Variants in SPTBN5 observed in about 807,000 individuals in gnomAD.
SPTBN5 encodes spectrin beta, non-erythrocytic 5.
Under a neutral mutation model 477.6 loss-of-function variants are expected in SPTBN5, and 513 were observed. That is an observed-to-expected ratio of 1.07 (90% CI 1.00 to 1.16). The LOEUF (loss-of-function observed/expected upper bound fraction) is 1.16. SPTBN5 is among the 50% of genes most tolerant of loss of function. SPTBN5 has a pLI of 0.00. For synonymous variants in SPTBN5, 2,169 were observed against 2,011.7 expected, an observed-to-expected ratio of 1.08 and a Z score of -2.09; for missense variants, 5,062 against 4,731.8, an observed-to-expected ratio of 1.07 and a Z score of -2.05.
Position 41,878,455 on chromosome 15 carries a change from C to T in SPTBN5, c.3357G>A (p.Glu1119=), listed in dbSNP as rs1447163149. 1.2e-6 allele frequency: 2 copies of T among 1,613,696 alleles called. No homozygotes were observed. The highest frequency in any genetic ancestry group is 1.7e-6 in the Non-Finnish European group (2 of 1,179,882). ...TGCTGCGCAGCTGAGCCTGGACACT[C>T]TCTGCCCACAGTAGCAGTTGCTGGC... ...QESQQLLLWA[E]SVQAQLRSKE... is the part of the protein sequence containing the mutation. The change falls in exon 17 of 68, where the codon GAG becomes GAA. Residue 1119 remains glutamate (E), a synonymous_variant. Coordinates refer to ENST00000320955, the MANE Select transcript of SPTBN5 (RefSeq NM_016642.4).
intron 32 of SPTBN5, among the ~76,000 whole-genome samples, chr15:41,868,835 A>C (rs1470987628): frequency 6.6e-6 from 1 of 152,120 alleles, no homozygotes; most frequent in Non-Finnish European, 1.5e-5. Flanking sequence ...TTACCACGAC[A>C]CATCTCTGCC....
At chr15:41,850,568 C>CT (rs2140907463) in intron 66 of SPTBN5, 1 of 456,484 alleles carries the variant, frequency 2.2e-6, no homozygotes, top group East Asian at 3.7e-5. Context: ...GCAGGAAGGG[C>CT]TTGGGGCAGT....
chr15:41,861,859 G>A lies in SPTBN5; in HGVS notation c.7613C>T (p.Thr2538Ile), dbSNP rs1353918360. ...GTCGGAGCTGAAGGGGTGCCCCGCTGTGAGCAGTTGCTGCCCAGTGCTTCG... is the reference window on the plus strand; with the variant it reads ...GTCGGAGCTGAAGGGGTGCCCCGCTATGAGCAGTTGCTGCCCAGTGCTTCG... ...LARSTGQQLL[T>I]AGHPFSSDIR... Residue 2538 changes from threonine (T) to isoleucine (I), a missense_variant, in exon 45 of 68, where the codon ACA becomes ATA. By Grantham distance (89) the Thr-to-Ile change is moderately conservative. Coordinates refer to ENST00000320955, the MANE Select transcript of SPTBN5 (RefSeq NM_016642.4). The A allele has an allele frequency of 2.5e-6, 4 of 1,608,302 alleles. No homozygotes were observed. Among genetic ancestry groups the A allele is most frequent in the Non-Finnish European group, 3.4e-6 (4 of 1,179,498 alleles).
chr15:41,887,434 G>A lies in SPTBN5; in HGVS notation c.667C>T (p.Leu223=). The change falls in exon 6 of 68, where the codon CTG becomes TTG. Residue 223 remains leucine, a synonymous_variant. Coordinates refer to ENST00000320955, the MANE Select transcript of SPTBN5 (RefSeq NM_016642.4). ...GGACGCAGGGAGCCGTAGTCCAACA[G>A]GTCTGGCCTGGACAGACAGTGAGAA... The part of the protein sequence containing the change: ...NALIHAHRPD[L]LDYGSLRPDR... The A allele has an allele frequency of 6.4e-7, 1 of 1,552,086 alleles. No individual in the cohort carries two copies. The highest frequency in any genetic ancestry group is 2.4e-5 in the East Asian group (1 of 41,084).
chr15:41,871,904 C>A lies in SPTBN5; in HGVS notation c.5179G>T (p.Glu1727Ter). 1.3e-6 allele frequency: 2 copies of A among 1,581,016 alleles called. No individual in the cohort carries two copies. The highest frequency in any genetic ancestry group is 8.6e-7 in the Non-Finnish European group (1 of 1,162,446). ...ELAATRDREL[E>*]GTLRLHEFLR... ...AACTCATGCAGCCTCAGGGTCCCCT[C>A]CAGTTCCCGGTCCCTGTGGTAACAG... Residue 1727 changes from glutamate to a stop codon, truncating the protein, a stop_gained, in exon 28 of 68, where the codon GAG becomes TAG. Coordinates refer to ENST00000320955, the MANE Select transcript of SPTBN5 (RefSeq NM_016642.4). LOFTEE classifies it high-confidence loss of function.
Position 41,888,050 on chromosome 15 carries a change from G to T in SPTBN5, c.537C>A (p.Thr179=). 6.3e-7 allele frequency: 1 copy of T among 1,581,830 alleles called. No homozygotes were observed. Residue 179 remains threonine, a synonymous_variant, in exon 5 of 68, where the codon ACC becomes ACA. Coordinates refer to ENST00000320955, the MANE Select transcript of SPTBN5 (RefSeq NM_016642.4). ...GGCACCAGACCAGCAGGGCTTCCTT[G>T]GTGGACAGCAGGGCTGCGCTGGCCC... ...EFGASAALLS[T]KEALLVWCQR...
chr15:41,862,318 C>A, intron 43 of SPTBN5, 26 bp from the exon 44 acceptor site: 1 of 1,568,596 alleles, frequency 6.4e-7, no homozygotes, highest in South Asian at 1.2e-5. Context: ...ATCAGCTAGT[C>A]GTCAGGCCTT....
intron 6 of SPTBN5, 106 bp from the exon 7 acceptor site, chr15:41,886,472 G>C: frequency 7.7e-7 from 1 of 1,295,622 alleles, no homozygotes; most frequent in East Asian, 2.4e-5. Flanking sequence ...CTACTTCTCT[G>C]AGCCAAAGAT....
intron 41 of SPTBN5, 66 bp downstream of exon 41, chr15:41,863,638 G>T: frequency 7.7e-7 from 1 of 1,299,024 alleles, no homozygotes; most frequent in Non-Finnish European, 1.1e-6. Flanking sequence ...GGAGACTCTA[G>T]GCAGTGCCCC....
rs764439007 is a variant in SPTBN5, at chr15:41,855,683, G to A, written c.9084C>T (p.Gly3028=). Residue 3028 remains glycine, a synonymous_variant, in exon 54 of 68, where the codon GGC becomes GGT. Coordinates refer to ENST00000320955, the MANE Select transcript of SPTBN5 (RefSeq NM_016642.4). ...GGGCCTGTGTGGCTTCAGCACTGTG[G>A]CCCATGTCCTCGCTGTCCAGGACAT... ...RGHVLDSEDM[G]HSAEATQALL... 20 of 1,603,952 alleles carry A rather than the reference G, an allele frequency of 1.2e-5. No individual in the cohort carries two copies. In the South Asian group the frequency reaches 2.2e-4, roughly 18 times the overall value.
chr15:41,871,805 C>T lies in SPTBN5; in HGVS notation c.5278G>A (p.Gly1760Arg), dbSNP rs753941738. Residue 1760 changes from glycine to arginine, a missense_variant, in exon 28 of 68, where the codon GGA becomes AGA. Physicochemically the swap from Gly to Arg is moderately radical, Grantham distance 125. Coordinates refer to ENST00000320955, the MANE Select transcript of SPTBN5 (RefSeq NM_016642.4). ...ACCAGGGCGTGCTCGGGGTCCTCTC[C>T]CAGGCTCTCCCCTCCTTTGGCTGCC... ...KQAAKGGESL[G>R]EDPEHALHLC... The T allele has an allele frequency of 2.5e-6, 4 of 1,591,534 alleles. No homozygotes were observed. The highest frequency in any genetic ancestry group is 3.4e-6 in the Non-Finnish European group (4 of 1,169,288).
chr15:41,852,658 C>A lies in SPTBN5; in HGVS notation c.10425G>T (p.Lys3475Asn). 6.2e-7 allele frequency: 1 copy of A among 1,613,626 alleles called. No homozygotes were observed. Among genetic ancestry groups the A allele is most frequent in the Non-Finnish European group, 8.5e-7 (1 of 1,179,890 alleles). ...CCTCTGTCTTTTGCATTTGGGCAAA[C>A]TTCTCTTCCTGGGCTGCCAGCAGCT... ...LEKLLAAQEE[K>N]FAQMQKTEME... Residue 3475 changes from lysine to asparagine, a missense_variant, in exon 61 of 68, where the codon AAG becomes AAT. Transcript: ENST00000320955.
rs373179842 is a variant in SPTBN5 at position 41,873,882 on chromosome 15, C to T, written c.4853G>A (p.Arg1618Gln). 1.1e-5 allele frequency: 18 copies of T among 1,611,244 alleles called. No homozygotes were observed. The highest frequency in any genetic ancestry group is 3.3e-5 in the South Asian group (3 of 91,090). Reference sequence around the variant, plus strand: ...GACAGCCTGCTGCAGACACTGGGCCCGCGCTTCACATGCCCTCTCCAGCTC... The same window carrying T: ...GACAGCCTGCTGCAGACACTGGGCCTGCGCTTCACATGCCCTCTCCAGCTC... ...WAELERACEA[R>Q]AQCLQQAVTF... The change falls in exon 25 of 68, where the codon CGG (arginine) becomes CAG (glutamine). Residue 1618 changes from arginine to glutamine, a missense_variant. Coordinates refer to ENST00000320955, the MANE Select transcript of SPTBN5 (RefSeq NM_016642.4).
At chr15:41,874,563 C>T (rs1238386264) in intron 23 of SPTBN5, 85 bp from the exon 24 acceptor site, 27 of 1,193,664 alleles carry the variant, frequency 2.3e-5, no homozygotes, top group East Asian at 7.7e-5. Context: ...AGCCAGGGCC[C>T]GTGAAGAACA....
chr15:41,875,500 G>C lies in SPTBN5; in HGVS notation c.4245C>G (p.Leu1415=). 3 of 1,612,590 alleles carry C rather than the reference G, an allele frequency of 1.9e-6. No individual in the cohort carries two copies. Among genetic ancestry groups the C allele is most frequent in the Non-Finnish European group, 2.5e-6 (3 of 1,179,510 alleles). Residue 1415 remains leucine (L), a synonymous_variant, in exon 22 of 68, where the codon CTC becomes CTG. Coordinates refer to ENST00000320955, the MANE Select transcript of SPTBN5 (RefSeq NM_016642.4). ...GTTGCTCCTGCTGTCCAGCCTGCTGGAGCTCGTCCCCACGCTCAGTCATCT... is the reference window on the plus strand; with the variant it reads ...GTTGCTCCTGCTGTCCAGCCTGCTGCAGCTCGTCCCCACGCTCAGTCATCT... ...NRKMTERGDE[L]QQAGQQEQLL...
rs111641936 is a variant in SPTBN5, at chr15:41,858,731, C to T, written c.8097G>A (p.Arg2699=). ...QDSQEVAAWL[R]EKNLVALEEG... is the part of the protein sequence containing the mutation. ...CCTCCAAGGCCACCAGGTTCTTCTC[C>T]CTCAGCCACGCAGCCACCTGGGCAC... Residue 2699 remains arginine (R), a synonymous_variant, in exon 49 of 68, where the codon AGG becomes AGA. Transcript: ENST00000320955. 6.2e-7 allele frequency: 1 copy of T among 1,609,292 alleles called. No homozygotes were observed. The highest frequency in any genetic ancestry group is 1.3e-5 in the African/African-American group (1 of 74,542).
At chr15:41,880,051 C>A (rs1200798864) in intron 14 of SPTBN5, 109 bp downstream of exon 14, 7 of 1,438,722 alleles carry the variant, frequency 4.9e-6, no homozygotes, top group Non-Finnish European at 6.5e-6. Flanking sequence ...CTCTCTGCTC[C>A]CCTCCCCCAG....
At position 41,850,089 on chromosome 15, in the gene SPTBN5, C is replaced by T; in HGVS notation, c.10922-130G>A. On this transcript the variant is annotated intron_variant, in intron 66 of 67. Coordinates refer to ENST00000320955, the MANE Select transcript of SPTBN5 (RefSeq NM_016642.4). Reference sequence around the variant, plus strand: ...GGCAGCCTGGCTATGCCAGGCCCTTCCCACGTGGGGGTGTGGGGCGGGCTG... The same window carrying T: ...GGCAGCCTGGCTATGCCAGGCCCTTTCCACGTGGGGGTGTGGGGCGGGCTG... 3.9e-6 allele frequency: 3 copies of T among 773,626 alleles called. No homozygotes were observed. The South Asian group carries it at 4.7e-5, about 12-fold the overall frequency. The allele number at this position is 773,626 out of a possible 1,614,324, so 47.9% of individuals were successfully genotyped here.
At position 41,868,261 on chromosome 15, in the gene SPTBN5, G is replaced by A. The variant is rs115975436; in HGVS notation, c.6058-43C>T. The A allele has an allele frequency of 1.6e-3, 2,594 of 1,572,484 alleles. 40 individuals are homozygous for A. The African/African-American group carries it at 0.032, about 19-fold the overall frequency. The stretch of plus-strand genomic sequence containing the variant: ...AGGAGCCTCAGCTGGGGAGGGTGGT[G>A]TGGGTGAGGTGAGGACTGGATCCTG... On this transcript the variant is annotated intron_variant, in intron 33 of 67. Coordinates refer to ENST00000320955, the MANE Select transcript of SPTBN5 (RefSeq NM_016642.4).
Sources: gnomAD v4.1 joint callset for allele counts (sites outside exome capture counted in the v4.1 genomes callset) on GRCh38, gnomAD v4.1.1 for gene constraint, MANE v1.5 for transcripts, NCBI Gene and HGNC (gene_info 2026-07-23, HGNC 2026-07-21) for gene names.